Variants in CDH11 observed in about 807,000 individuals in gnomAD.
The protein encoded by CDH11 is cadherin 11.
A neutral mutation model predicts 67.8 loss-of-function variants in CDH11; 11 were observed. That is an observed-to-expected ratio of 0.16 (90% CI 0.10 to 0.27). The LOEUF (loss-of-function observed/expected upper bound fraction) is 0.27, where lower values mean the gene tolerates loss of function less well. CDH11 is among the 10% of genes least tolerant of loss of function. The pLI is 1.00. For synonymous variants in CDH11, 419 were observed against 400.0 expected, an observed-to-expected ratio of 1.05 and a Z score of -0.57; for missense variants, 847 against 1,031.2, an observed-to-expected ratio of 0.82 and a Z score of 2.45.
At chr16:65,097,967 G>A (rs2074928324) in intron 1 of CDH11, among the ~76,000 whole-genome samples, 1 of 152,142 alleles carries the variant, frequency 6.6e-6, no homozygotes, top group Non-Finnish European at 1.5e-5. Flanking sequence ...GAGCAGGTGA[G>A]CCACTCAAAC....
At chr16:65,110,274 A>G (rs568303134) in intron 1 of CDH11, among the ~76,000 whole-genome samples, 4 of 152,306 alleles carry the variant, frequency 2.6e-5, no homozygotes, top group African/African-American at 7.2e-5. Flanking sequence ...CAGATATCTC[A>G]TTCAATAATG....
At chr16:65,107,154 G>A (rs980196485) in intron 1 of CDH11, among the ~76,000 whole-genome samples, 1 of 152,096 alleles carries the variant, frequency 6.6e-6, no homozygotes, top group Non-Finnish European at 1.5e-5. Flanking sequence ...CCTTAAGTCT[G>A]TCTCCCTATA....
intron 2 of CDH11, among the ~76,000 whole-genome samples, chr16:65,052,189 T>TA (rs1461742890): frequency 9.2e-5 from 14 of 152,134 alleles, no homozygotes; most frequent in Non-Finnish European, 2.1e-4. Context: ...AGTAAGTACT[T>TA]ACTAAGTGCA....
At chr16:64,991,612 CTTGTTTTTGTGTT>C (rs893803620) in intron 6 of CDH11, 143 bp downstream of exon 6, 9 of 537,078 alleles carry the variant, frequency 1.7e-5, no homozygotes, top group African/African-American at 3.7e-5. Context: ...TTGTTGTTGT[CTTGTTTTTGTGTT>C]TTGTTTTTGT....
In CDH11 at chr16:64,982,451, AG is replaced by A. The variant is rs1018651791; in HGVS notation, c.1000-151del. 2.6e-4 allele frequency: 168 copies of A among 637,086 alleles called. No individual in the cohort carries two copies. The African/African-American group carries it at 2.8e-3, about 11-fold the overall frequency. The allele number at this position is 637,086 out of a possible 1,614,324, so 39.5% of individuals were successfully genotyped here. On this transcript the variant is annotated intron_variant, in intron 7 of 12. Coordinates refer to ENST00000268603, the MANE Select transcript of CDH11 (RefSeq NM_001797.4). ...TTCCAATTACCTGAGCCATTTGGTC[AG>A]AAAATCACACAAATCAATTGCTGAA...
At chr16:65,106,745 A>G (rs917794374) in intron 1 of CDH11, among the ~76,000 whole-genome samples, 2 of 152,200 alleles carry the variant, frequency 1.3e-5, no homozygotes, top group Non-Finnish European at 2.9e-5. Context: ...TCTTCCCTTC[A>G]TGTATGCCAG....
chr16:65,089,280 C>T (rs2074752309), intron 1 of CDH11, among the ~76,000 whole-genome samples: 1 of 152,118 alleles, frequency 6.6e-6, no homozygotes, highest in Admixed American at 6.5e-5. Context: ...AGGATTTAAA[C>T]TTCTCTGAGC....
At chr16:65,099,244 G>T (rs2074949835) in intron 1 of CDH11, among the ~76,000 whole-genome samples, 1 of 151,966 alleles carries the variant, frequency 6.6e-6, no homozygotes, top group South Asian at 2.1e-4. Context: ...GTGAAAACAT[G>T]GAATATTTAA....
At position 64,946,781 on chromosome 16, in the gene CDH11, TA is replaced by T. The variant is rs556016483; in HGVS notation, c.*821del. On this transcript the variant is annotated 3_prime_UTR_variant, in exon 13 of 13. Coordinates refer to ENST00000268603, the MANE Select transcript of CDH11 (RefSeq NM_001797.4). ...CAATGTTAAGAATCAAACCCAGAAT[TA>T]AAAAAAAATCTTTTTTTATTTCAAA... 1.6e-4 allele frequency: 138 copies of T among 881,462 alleles called. No individual in the cohort carries two copies. The highest frequency in any genetic ancestry group is 2.7e-4 in the African/African-American group (15 of 55,592). The allele number at this position is 881,462 out of a possible 1,614,324, so 54.6% of individuals were successfully genotyped here.
At chr16:65,001,780 A>G (rs541740033) in intron 3 of CDH11, among the ~76,000 whole-genome samples, 2 of 150,554 alleles carry the variant, frequency 1.3e-5, no homozygotes, top group South Asian at 2.1e-4. Context: ...CTCCACACAC[A>G]CACAGACACA....
At chr16:65,025,228 G>A (rs1267244931) in intron 2 of CDH11, among the ~76,000 whole-genome samples, 1 of 152,188 alleles carries the variant, frequency 6.6e-6, no homozygotes, top group African/African-American at 2.4e-5. Flanking sequence ...GGTCGAATGA[G>A]ATAACAAATG....
intron 11 of CDH11, among the ~76,000 whole-genome samples, chr16:64,957,632 A>C (rs1054107381): frequency 7.4e-6 from 1 of 134,640 alleles, no homozygotes; most frequent in African/African-American, 2.7e-5. Context: ...ACACACACAC[A>C]CCCATCCATA....
intron 11 of CDH11, among the ~76,000 whole-genome samples, chr16:64,965,771 A>AACACACACACAC (rs55992835): frequency 1.4e-4 from 20 of 145,992 alleles, no homozygotes; most frequent in Admixed American, 2.1e-4. Flanking sequence ...CGGTGCATGA[A>AACACACACACAC]ACACACACAC....
intron 2 of CDH11, among the ~76,000 whole-genome samples, chr16:65,015,923 A>T (rs537065104): frequency 6.6e-6 from 1 of 152,332 alleles, no homozygotes; most frequent in Admixed American, 6.5e-5. Flanking sequence ...TGAGAAATCC[A>T]TCCTGTGCCC....
chr16:64,989,494 T>A (rs1436758753), intron 6 of CDH11, among the ~76,000 whole-genome samples: 1 of 152,144 alleles, frequency 6.6e-6, no homozygotes, highest in Non-Finnish European at 1.5e-5. Context: ...GACGTGCATA[T>A]CTGCAGGATA....
At chr16:65,082,789 G>A (rs771217205) in intron 1 of CDH11, among the ~76,000 whole-genome samples, 4 of 152,142 alleles carry the variant, frequency 2.6e-5, no homozygotes, top group East Asian at 1.9e-4. Flanking sequence ...ATTTAACTTC[G>A]GTAAGCCTCA....
At chr16:64,981,366 C>A (rs2142455959) in intron 8 of CDH11, 1 of 152,142 alleles carries the variant, frequency 6.6e-6, no homozygotes, top group African/African-American at 2.4e-5. Flanking sequence ...TTAGCCTTCC[C>A]AAAGTGATGA....
chr16:64,971,886 T>C, intron 10 of CDH11, 45 bp downstream of exon 10: 1 of 1,607,206 alleles, frequency 6.2e-7, no homozygotes, highest in Non-Finnish European at 8.5e-7. Context: ...ACACTCTATT[T>C]CCAAGTGCAT....
chr16:65,044,460 T>A (rs1353247750), intron 2 of CDH11, among the ~76,000 whole-genome samples: 1 of 152,152 alleles, frequency 6.6e-6, no homozygotes, highest in African/African-American at 2.4e-5. Flanking sequence ...AACTGTAATT[T>A]TTTTTTAATG....
Sources: allele counts gnomAD v4.1 joint callset (sites outside exome capture counted in the v4.1 genomes callset), GRCh38; gene constraint gnomAD v4.1.1; transcripts MANE v1.5; gene names NCBI Gene and HGNC (gene_info 2026-07-23, HGNC 2026-07-21).